Variants in DCC observed in about 807,000 individuals in gnomAD.
DCC encodes the protein netrin receptor DCC.
DCC carries 58 observed loss-of-function variants against 172.5 expected under a neutral mutation model. The observed-to-expected ratio is 0.34, with a 90% CI of 0.27 to 0.42. The LOEUF (loss-of-function observed/expected upper bound fraction) is 0.42. Among genes scored for constraint, DCC ranks in the 10% least tolerant of loss-of-function variants. The pLI, the probability that DCC is intolerant of heterozygous loss-of-function variation, is 1.00. For missense variants in DCC, 1,740 were observed against 1,791.0 expected (o/e 0.97, Z 0.51); for synonymous variants, 709 against 644.5 (o/e 1.10, Z -1.52).
intron 1 of DCC, among the ~76,000 whole-genome samples, chr18:52,610,163 AAAAAAAAAAAAAAAAATAT>A (rs1488425671): frequency 4.2e-4 from 8 of 19,022 alleles, no homozygotes; most frequent in East Asian, 2.2e-3. Flanking sequence ...AAAAAAAAAA[AAAAAAAAAAAAAAAAATAT>A]ATATATATAT....
chr18:52,870,161 C>T (rs2039296696), intron 2 of DCC, among the ~76,000 whole-genome samples: 1 of 152,176 alleles, frequency 6.6e-6, no homozygotes, highest in Non-Finnish European at 1.5e-5. Flanking sequence ...AGCTGCGGCC[C>T]AGATCTGCCT....
At chr18:53,039,849 A>C (rs149679110) in intron 5 of DCC, among the ~76,000 whole-genome samples, 14 of 152,088 alleles carry the variant, frequency 9.2e-5, no homozygotes, top group South Asian at 6.2e-4. Context: ...AGCAATGATC[A>C]CACCATATAG....
At chr18:52,520,106 C>T (rs1276907246) in intron 1 of DCC, among the ~76,000 whole-genome samples, 1 of 152,172 alleles carries the variant, frequency 6.6e-6, no homozygotes, top group Non-Finnish European at 1.5e-5. Flanking sequence ...ACCAGTCATC[C>T]AAGGGTCTCT....
chr18:53,215,667 C>A, intron 12 of DCC, 70 bp downstream of exon 12: 1 of 1,261,392 alleles, frequency 7.9e-7, no homozygotes, highest in Non-Finnish European at 1.2e-6. Flanking sequence ...CTTCACTCAC[C>A]CAACTGCTGT....
intron 5 of DCC, among the ~76,000 whole-genome samples, chr18:52,992,187 G>A (rs1277889852): frequency 6.6e-6 from 1 of 152,172 alleles, no homozygotes; most frequent in African/African-American, 2.4e-5. Flanking sequence ...CATGGGAGAA[G>A]AAGAAAGCGG....
chr18:52,530,718 C>T (rs941384207), intron 1 of DCC, among the ~76,000 whole-genome samples: 1 of 152,118 alleles, frequency 6.6e-6, no homozygotes, highest in Non-Finnish European at 1.5e-5. Flanking sequence ...TATCCCAAAG[C>T]ATTTACTTGG....
At chr18:52,584,144 G>A (rs983794431) in intron 1 of DCC, among the ~76,000 whole-genome samples, 6 of 152,164 alleles carry the variant, frequency 3.9e-5, no homozygotes, top group Admixed American at 2.6e-4. Context: ...GCTGTACTAT[G>A]AGGGCTGATT....
At chr18:52,538,769 T>A (rs2032355405) in intron 1 of DCC, among the ~76,000 whole-genome samples, 1 of 152,160 alleles carries the variant, frequency 6.6e-6, no homozygotes, top group Non-Finnish European at 1.5e-5. Context: ...ACAAACATGT[T>A]TTTTTTTCTT....
intron 2 of DCC, among the ~76,000 whole-genome samples, chr18:52,792,426 G>T (rs191567962): frequency 2.2e-4 from 33 of 152,306 alleles, no homozygotes; most frequent in African/African-American, 7.7e-4. Context: ...ACCCCACCAG[G>T]GTGGTCAGAG....
intron 1 of DCC, among the ~76,000 whole-genome samples, chr18:52,650,455 C>G (rs1249007496): frequency 6.6e-6 from 1 of 152,136 alleles, no homozygotes; most frequent in Non-Finnish European, 1.5e-5. Context: ...ATATGGAAAA[C>G]AGTATGGAGA....
intron 5 of DCC, chr18:52,940,786 C>G (rs531122016): frequency 4.3e-4 from 65 of 152,296 alleles, no homozygotes; most frequent in African/African-American, 1.5e-3. Flanking sequence ...CCCTTGAAGA[C>G]AGTCCAATGG....
chr18:52,880,858 T>C lies in DCC; in HGVS notation c.413-25186T>C, dbSNP rs193115917. On this transcript the variant is annotated intron_variant, in intron 2 of 28. Coordinates refer to ENST00000442544, the MANE Select transcript of DCC (RefSeq NM_005215.4). ...ACATCTCTTTGTTATATTGATTTCC[T>C]TTTTTTAGGTATATATGCAGTAGTG... is the stretch of plus-strand genomic sequence containing the variant. Among the ~76,000 whole-genome samples, 55 of 152,280 alleles carry C rather than the reference T, an allele frequency of 3.6e-4. No homozygotes were observed. The East Asian group carries it at 8.1e-3, about 22-fold the overall frequency.
chr18:53,391,970 A>G (rs1322092699), intron 17 of DCC, 83 bp downstream of exon 17: 2 of 822,088 alleles, frequency 2.4e-6, no homozygotes, highest in Non-Finnish European at 4.2e-6. Context: ...CTGGACTGTC[A>G]TGAGTCGTTT....
At chr18:52,548,569 C>T (rs2144718022) in intron 1 of DCC, among the ~76,000 whole-genome samples, 1 of 152,184 alleles carries the variant, frequency 6.6e-6, no homozygotes, top group Middle Eastern at 3.4e-3. Context: ...GCCATTGTTT[C>T]ACAGAAATAA....
chr18:52,949,259 A>G (rs2040597543), intron 5 of DCC, among the ~76,000 whole-genome samples: 1 of 152,196 alleles, frequency 6.6e-6, no homozygotes, highest in Admixed American at 6.5e-5. Context: ...TGTATCTCAC[A>G]TAAGCCTAGA....
At chr18:53,380,348 G>A (rs981027750) in intron 15 of DCC, among the ~76,000 whole-genome samples, 1 of 152,130 alleles carries the variant, frequency 6.6e-6, no homozygotes, top group African/African-American at 2.4e-5. Context: ...CACACTTAAA[G>A]CATCTTTCCT....
chr18:52,487,585 T>C (rs929809686), intron 1 of DCC, among the ~76,000 whole-genome samples: 2 of 150,886 alleles, frequency 1.3e-5, no homozygotes, highest in African/African-American at 4.9e-5. Context: ...CTGAGGCGGG[T>C]GGATTACCTG....
intron 2 of DCC, 88 bp from the exon 3 acceptor site, chr18:52,905,956 C>T: frequency 2.1e-6 from 2 of 941,178 alleles, no homozygotes; most frequent in South Asian, 1.4e-5. Context: ...ATATAATTTT[C>T]TACAAAGAAT....
Position 53,526,282 on chromosome 18 carries a change from A to G in DCC, c.4112-335A>G, listed in dbSNP as rs2046454371. On this transcript the variant is annotated intron_variant, in intron 27 of 28. Coordinates refer to ENST00000442544, the MANE Select transcript of DCC (RefSeq NM_005215.4). ...GTTTAGCACAGGGCTTTCTGGCCCT[A>G]AGCCGAGACTGGCACCAAATAAGCT... Among the ~76,000 whole-genome samples the G allele has an allele frequency of 2.0e-5, 3 of 152,256 alleles. No homozygotes were observed. In the South Asian group the frequency reaches 6.2e-4, roughly 32 times the overall value.
Sources: allele counts gnomAD v4.1 joint callset (sites outside exome capture counted in the v4.1 genomes callset), GRCh38; gene constraint gnomAD v4.1.1; transcripts MANE v1.5; gene names NCBI Gene and HGNC (gene_info 2026-07-23, HGNC 2026-07-21).